The following IFT52 variants were observed in gnomAD, a reference collection of about 807,000 sequenced individuals.
The protein encoded by IFT52 is intraflagellar transport 52.
IFT52 carries 44 observed loss-of-function variants against 54.4 expected under a neutral mutation model. The observed-to-expected ratio is 0.81, with a 90% CI of 0.63 to 1.04. The LOEUF (loss-of-function observed/expected upper bound fraction) is 1.04. IFT52 is among the 50% of genes least tolerant of loss of function. The pLI, the probability that IFT52 is intolerant of heterozygous loss-of-function variation, is 0.00. For synonymous variants in IFT52, 181 were observed against 185.3 expected (o/e 0.98, Z 0.19); for missense variants, 452 against 523.6 (o/e 0.86, Z 1.33).
At chr20:43,625,341 T>C (rs1480892843) in intron 10 of IFT52, among the ~76,000 whole-genome samples, 3 of 152,024 alleles carry the variant, frequency 2.0e-5, no homozygotes, top group African/African-American at 7.2e-5. Context: ...AAACCCCGTC[T>C]CTACTAAAAA....
In IFT52 at chr20:43,594,784, A is replaced by C; in HGVS notation, c.86A>C (p.Gln29Pro). 6.2e-7 allele frequency: 1 copy of C among 1,609,528 alleles called. No individual in the cohort carries two copies. Among genetic ancestry groups the C allele is most frequent in the South Asian group, 1.1e-5 (1 of 90,972 alleles). ...ACCAACAATGGCTACAAATCCATGC[A>C]GAAAAAACTTCGGAGTAATTGGAAG... is the stretch of plus-strand genomic sequence containing the variant. Reference protein sequence around the residue: ...FTTNNGYKSMQKKLRSNWKIQ... With the variant: ...FTTNNGYKSMPKKLRSNWKIQ... The change falls in exon 2 of 14, where the codon CAG becomes CCG. Residue 29 changes from glutamine (Q) to proline (P), a missense_variant. Physicochemically the swap from Gln to Pro is moderately conservative, Grantham distance 76. Coordinates refer to ENST00000373030, the MANE Select transcript of IFT52 (RefSeq NM_016004.5).
chr20:43,633,615 G>A (rs986907896), intron 10 of IFT52, among the ~76,000 whole-genome samples: 2 of 152,088 alleles, frequency 1.3e-5, no homozygotes, highest in Non-Finnish European at 2.9e-5. Flanking sequence ...GGTTGAGGCA[G>A]GAGCATCGCT....
rs560970688 is a variant in IFT52, at chr20:43,606,655, A to G, written c.485+1582A>G. 7.9e-4 allele frequency among the ~76,000 whole-genome samples: 120 copies of G among 151,792 alleles called. 1 individual carries two copies. Among genetic ancestry groups the G allele is most frequent in the African/African-American group, 2.7e-3 (111 of 41,380 alleles). On this transcript the variant is annotated intron_variant, in intron 6 of 13. Transcript: ENST00000373030. The stretch of plus-strand genomic sequence containing the variant: ...GCAGAGGGGGATTTGGCAGGGTCAT[A>G]GGACAATAGTGGAGGGAAGGTCAGC...
At chr20:43,607,721 C>T (rs1013711915) in intron 6 of IFT52, among the ~76,000 whole-genome samples, 1 of 151,448 alleles carries the variant, frequency 6.6e-6, no homozygotes. Flanking sequence ...CAGGCAGAGA[C>T]GCTCCTCACT....
intron 6 of IFT52, 43 bp downstream of exon 6, chr20:43,605,116 T>C (rs757870738): frequency 3.1e-6 from 5 of 1,596,746 alleles, no homozygotes; most frequent in Non-Finnish European, 4.3e-6. Context: ...ATGTATCATT[T>C]TGGAGTCTTC....
chr20:43,605,160 TA>T, intron 6 of IFT52, 87 bp downstream of exon 6: 1 of 1,552,250 alleles, frequency 6.4e-7, no homozygotes. Context: ...TGTTTCTGGT[TA>T]CAAAAATAAT....
rs777027107 is a variant in IFT52 at position 43,637,230 on chromosome 20, G to A, written c.1097G>A (p.Arg366Gln). ...GAAACGTTCTCCTCTGAGAAGGCACGGCTGGCTCAGATTACCAATAAGTGT... is the reference window on the plus strand; with the variant it reads ...GAAACGTTCTCCTCTGAGAAGGCACAGCTGGCTCAGATTACCAATAAGTGT... Reference protein sequence around the residue: ...LDETFSSEKARLAQITNKCTE... With the variant: ...LDETFSSEKAQLAQITNKCTE... Residue 366 changes from arginine to glutamine, a missense_variant, in exon 12 of 14, where the codon CGG becomes CAG. Transcript: ENST00000373030. The A allele has an allele frequency of 7.6e-6, 12 of 1,576,858 alleles. No individual in the cohort carries two copies. Among genetic ancestry groups the A allele is most frequent in the Admixed American group, 4.0e-5 (2 of 50,008 alleles).
At position 43,647,120 on chromosome 20, in the gene IFT52, G is replaced by A; in HGVS notation, c.*137G>A. The A allele has an allele frequency of 1.4e-6, 1 of 727,112 alleles. No homozygotes were observed. Among genetic ancestry groups the A allele is most frequent in the East Asian group, 2.5e-5 (1 of 40,190 alleles). The allele number at this position is 727,112 out of a possible 1,614,324, so 45.0% of individuals were successfully genotyped here. Reference sequence around the variant, plus strand: ...GCTCTGGAAGGTATATGCATCTTCTGTAATACTCAGATAGGTATAAGATTT... The same window carrying A: ...GCTCTGGAAGGTATATGCATCTTCTATAATACTCAGATAGGTATAAGATTT... On this transcript the variant is annotated 3_prime_UTR_variant, in exon 14 of 14. Transcript: ENST00000373030.
intron 10 of IFT52, among the ~76,000 whole-genome samples, chr20:43,629,051 C>G (rs1486321918): frequency 6.6e-6 from 1 of 152,096 alleles, no homozygotes; most frequent in Admixed American, 6.6e-5. Context: ...AGCTGTGTAG[C>G]TGCCGGCAGA....
At chr20:43,614,776 G>T (rs983490308) in intron 7 of IFT52, among the ~76,000 whole-genome samples, 9 of 151,352 alleles carry the variant, frequency 5.9e-5, no homozygotes, top group Non-Finnish European at 2.9e-5. Flanking sequence ...CTAGTCCCAG[G>T]CAGTGACCCA....
At chr20:43,608,631 A>G (rs1229325416) in intron 6 of IFT52, among the ~76,000 whole-genome samples, 2 of 152,208 alleles carry the variant, frequency 1.3e-5, no homozygotes, top group Non-Finnish European at 2.9e-5. Context: ...TGGTCCGGGT[A>G]CCGTGGCTCA....
intron 9 of IFT52, among the ~76,000 whole-genome samples, chr20:43,621,420 C>T (rs952355396): frequency 6.6e-6 from 1 of 152,120 alleles, no homozygotes; most frequent in Non-Finnish European, 1.5e-5. Context: ...CAGGTTCTTT[C>T]TGACCATTTT....
chr20:43,634,337 A>C (rs953234699), intron 10 of IFT52, among the ~76,000 whole-genome samples: 1 of 152,186 alleles, frequency 6.6e-6, no homozygotes, highest in Admixed American at 6.6e-5. Flanking sequence ...TATAGGTATT[A>C]TTATTTTGGA....
chr20:43,593,380 A>G (rs2145577932), intron 1 of IFT52, among the ~76,000 whole-genome samples: 1 of 152,344 alleles, frequency 6.6e-6, no homozygotes, highest in East Asian at 1.9e-4. Flanking sequence ...GGCAATTTGG[A>G]AATGATTTAC....
At chr20:43,632,278 T>G (rs1204021297) in intron 10 of IFT52, among the ~76,000 whole-genome samples, 2 of 150,280 alleles carry the variant, frequency 1.3e-5, no homozygotes, top group Non-Finnish European at 3.0e-5. Flanking sequence ...TTTCTTTTTC[T>G]GAGACAGAGT....
chr20:43,597,068 T>C (rs919103324), intron 3 of IFT52, among the ~76,000 whole-genome samples: 11 of 151,344 alleles, frequency 7.3e-5, no homozygotes, highest in African/African-American at 2.7e-4. Flanking sequence ...GCTATATTTT[T>C]GCTTTGAAAA....
At chr20:43,604,298 G>A (rs544498813) in intron 5 of IFT52, 40 bp downstream of exon 5, 32 of 1,419,966 alleles carry the variant, frequency 2.3e-5, no homozygotes, top group Middle Eastern at 1.9e-4. Flanking sequence ...GCAAGGCATC[G>A]TCGCTCACAC....
intron 6 of IFT52, among the ~76,000 whole-genome samples, chr20:43,610,449 C>G (rs1983344942): frequency 6.6e-6 from 1 of 151,884 alleles, no homozygotes; most frequent in Non-Finnish European, 1.5e-5. Context: ...AAGAATCAAT[C>G]TAGGCTGGGC....
At chr20:43,615,951 T>C (rs1600482092) in intron 7 of IFT52, among the ~76,000 whole-genome samples, 2 of 152,012 alleles carry the variant, frequency 1.3e-5, no homozygotes, top group East Asian at 3.9e-4. Context: ...AAAAAAAATA[T>C]TGAAAAATTA....
Sources: gnomAD v4.1 joint callset for allele counts (sites outside exome capture counted in the v4.1 genomes callset) on GRCh38, gnomAD v4.1.1 for gene constraint, MANE v1.5 for transcripts, NCBI Gene and HGNC (gene_info 2026-07-23, HGNC 2026-07-21) for gene names.